FANCD2OS: variants seen among roughly 807,000 people sequenced by gnomAD.
FANCD2OS encodes FANCD2 opposite strand.
A neutral mutation model predicts 13.2 loss-of-function variants in FANCD2OS; 11 were observed. The ratio of observed to expected loss-of-function variants is 0.83; its 90% CI spans 0.52 to 1.38. FANCD2OS has a LOEUF of 1.38. Among genes scored for constraint, FANCD2OS ranks in the 40% most tolerant of loss-of-function variants. The probability of loss-of-function intolerance (pLI) is 0.00; values close to 1 mark genes in which losing one functional copy is unlikely to be tolerated. For synonymous variants in FANCD2OS, 69 were observed against 84.5 expected, an observed-to-expected ratio of 0.82 and a Z score of 1.01; for missense variants, 217 against 213.9, an observed-to-expected ratio of 1.01 and a Z score of -0.09.
chr3:10,101,441 A>G, downstream of FANCD2OS: 1 of 547,942 alleles, frequency 1.8e-6, no homozygotes, highest in African/African-American at 2.1e-5. Flanking sequence ...GCTGGAGTGC[A>G]GTGCTGCAAT....
intron 2 of FANCD2OS, chr3:10,085,955 C>G: frequency 7.0e-7 from 1 of 1,419,514 alleles, no homozygotes; most frequent in Non-Finnish European, 1.0e-6. Flanking sequence ...AGATTGTTGT[C>G]CCAAGAAACT....
At chr3:10,102,210 C>T (rs1209090427), downstream of FANCD2OS, among the ~76,000 whole-genome samples, 1 of 147,050 alleles carries the variant, frequency 6.8e-6, no homozygotes, top group Non-Finnish European at 1.5e-5. Flanking sequence ...GTGGCACGAT[C>T]TCAGCTCACT....
rs1416488211 is a variant in FANCD2OS, at chr3:10,081,669, A to G, written c.*44-138T>C. 3 of 598,838 alleles carry G rather than the reference A, an allele frequency of 5.0e-6. No homozygotes were observed. The Admixed American group carries it at 8.2e-5, about 16-fold the overall frequency. The allele number at this position is 598,838 out of a possible 1,614,324, so 37.1% of individuals were successfully genotyped here. A position where few individuals can be genotyped will look rare whatever the true frequency, so the allele number is the denominator to read the frequency against. On this transcript the variant is annotated intron_variant, in intron 2 of 2. Coordinates refer to the FANCD2OS transcript ENST00000524279. ...TCCTTTGGAGCCACTATGTTAACCC[A>G]TTTGACAGATTAGGTGACTTGCTGA... is the stretch of plus-strand genomic sequence containing the variant.
intron 2 of FANCD2OS, among the ~76,000 whole-genome samples, chr3:10,097,146 AATATC>A (rs1312555931): frequency 1.6e-4 from 25 of 152,198 alleles, no homozygotes; most frequent in Admixed American, 5.2e-4. Context: ...AGGGTAATAG[AATATC>A]ACAAGGCAAG....
intron 2 of FANCD2OS, chr3:10,095,335 T>C: frequency 7.5e-7 from 1 of 1,339,586 alleles, no homozygotes; most frequent in South Asian, 1.2e-5. Flanking sequence ...CAGTTGCTAT[T>C]GGGGGATCCA....
At chr3:10,103,212 G>A (rs541430190), downstream of FANCD2OS, 26 of 318,998 alleles carry the variant, frequency 8.2e-5, no homozygotes, top group South Asian at 4.5e-4. Flanking sequence ...AGACCAGCCC[G>A]ACCAGCCTGG....
chr3:10,094,504 T>C (rs34067373), intron 2 of FANCD2OS: 2 of 777,410 alleles, frequency 2.6e-6, no homozygotes, highest in African/African-American at 1.7e-5. Flanking sequence ...GATCCCCAAA[T>C]TGGACTGAAT....
chr3:10,105,385 C>T (rs1695441690), intron 1 of FANCD2OS, among the ~76,000 whole-genome samples: 1 of 152,076 alleles, frequency 6.6e-6, no homozygotes, highest in Non-Finnish European at 1.5e-5. Context: ...TCTGAGGTGA[C>T]AGAAGCTTCT....
At chr3:10,103,211 C>T (rs1432927427), downstream of FANCD2OS, 5 of 318,724 alleles carry the variant, frequency 1.6e-5, no homozygotes, top group East Asian at 1.2e-4. Context: ...GAGACCAGCC[C>T]GACCAGCCTG....
intron 1 of FANCD2OS, among the ~76,000 whole-genome samples, chr3:10,107,718 C>A (rs562543826): frequency 6.6e-6 from 1 of 152,116 alleles, no homozygotes; most frequent in Non-Finnish European, 1.5e-5. Flanking sequence ...GAGGCCAAGG[C>A]GGGCCAATCA....
chr3:10,094,273 T>C lies in FANCD2OS; in HGVS notation c.*43+9925A>G. 1 of 1,609,098 alleles carries C rather than the reference T, an allele frequency of 6.2e-7. No individual in the cohort carries two copies. The highest frequency in any genetic ancestry group is 1.1e-5 in the South Asian group (1 of 90,990). On this transcript the variant is annotated intron_variant, in intron 2 of 2. Coordinates refer to the FANCD2OS transcript ENST00000524279. ...GATACCTCAGCTAGAGGTAACAGTG[T>C]GTCTCTCTTCTTCAGTATGGGCGTC...
rs1293843740 is a variant in FANCD2OS, at chr3:10,104,372, G to A, written c.403C>T (p.Gln135Ter). Reference protein sequence around the residue: ...AFCKIISREHQWPIGLKEPQI... With the variant: ...AFCKIISREH ...GGCTCCTTCAGTCCAATGGGCCACT[G>A]GTGCTCCCTGCTAATGATTTTGCAA... Residue 135 changes from glutamine to a stop codon, truncating the protein, a stop_gained, in exon 2 of 2, where the codon CAG (glutamine) becomes TAG (stop). Coordinates refer to ENST00000450660, the MANE Select transcript of FANCD2OS (RefSeq NM_001164839.2). LOFTEE classifies it high-confidence loss of function. 1.2e-6 allele frequency: 2 copies of A among 1,614,186 alleles called. No homozygotes were observed. Among genetic ancestry groups the A allele is most frequent in the South Asian group, 2.2e-5 (2 of 91,082 alleles).
chr3:10,103,470 GA>G (rs1290607584), downstream of FANCD2OS, among the ~76,000 whole-genome samples: 3 of 152,176 alleles, frequency 2.0e-5, no homozygotes, highest in Non-Finnish European at 4.4e-5. Flanking sequence ...AGCTACTCAG[GA>G]GGCTGAGGCG....
At chr3:10,085,394 CTTTT>C (rs1242296810) in intron 2 of FANCD2OS, among the ~76,000 whole-genome samples, 3 of 136,928 alleles carry the variant, frequency 2.2e-5, no homozygotes, top group Non-Finnish European at 1.6e-5. Flanking sequence ...TTTTTTCTTT[CTTTT>C]TTTTTTTTTT....
rs462674 is a variant in FANCD2OS at position 10,091,068 on chromosome 3, A to G, written c.*44-9537T>C. On this transcript the variant is annotated intron_variant, in intron 2 of 2. Coordinates refer to the FANCD2OS transcript ENST00000524279. ...ATAGGGAAGCAGAGAAGCTACAGCC[A>G]GTATATGTTTTTTCTTTTTTTTTTC... is the stretch of plus-strand genomic sequence containing the variant. 4.7e-3 allele frequency among the ~76,000 whole-genome samples: 717 copies of G among 151,498 alleles called. 7 individuals are homozygous for G. Among genetic ancestry groups the G allele is most frequent in the African/African-American group, 0.015 (616 of 41,288 alleles).
chr3:10,089,725 C>A (rs1203462241), intron 2 of FANCD2OS, among the ~76,000 whole-genome samples: 1 of 152,200 alleles, frequency 6.6e-6, no homozygotes, highest in Non-Finnish European at 1.5e-5. Flanking sequence ...GCCTCGGCCT[C>A]TCAAAGTGCT....
chr3:10,102,536 A>T (rs913820598), downstream of FANCD2OS, among the ~76,000 whole-genome samples: 1 of 151,762 alleles, frequency 6.6e-6, no homozygotes, highest in Non-Finnish European at 1.5e-5. Flanking sequence ...TATAAGACCA[A>T]AAAAAAAGCT....
chr3:10,104,623 C>T lies in FANCD2OS; in HGVS notation c.152G>A (p.Cys51Tyr). ...HTPSDLEVQL[C>Y]FQEVTLVLDS... is the part of the protein sequence containing the mutation. ...TAGGACTAGAGTGACCTCTTGAAAG[C>T]ACAGCTGCACTTCAAGGTCGGACGG... The change falls in exon 2 of 2, where the codon TGC (cysteine) becomes TAC (tyrosine). Residue 51 changes from cysteine (C) to tyrosine (Y), a missense_variant. Coordinates refer to ENST00000450660, the MANE Select transcript of FANCD2OS (RefSeq NM_001164839.2). 1 of 1,614,160 alleles carries T rather than the reference C, an allele frequency of 6.2e-7. No individual in the cohort carries two copies. Among genetic ancestry groups the T allele is most frequent in the Non-Finnish European group, 8.5e-7 (1 of 1,180,034 alleles).
At chr3:10,101,712 T>G (rs1381821648), downstream of FANCD2OS, 2 of 265,378 alleles carry the variant, frequency 7.5e-6, no homozygotes, top group Non-Finnish European at 1.5e-5. Flanking sequence ...GGGTCTTTAT[T>G]AACTTGTGGA....
Sources: allele counts gnomAD v4.1 joint callset (sites outside exome capture counted in the v4.1 genomes callset), GRCh38; gene constraint gnomAD v4.1.1; transcripts MANE v1.5; gene names NCBI Gene and HGNC (gene_info 2026-07-23, HGNC 2026-07-21).